The following NYAP2 variants were observed in gnomAD, a reference collection of about 807,000 sequenced individuals.
The protein encoded by NYAP2 is neuronal tyrosine-phosphorylated phosphoinositide-3-kinase adapter 2.
In NYAP2, 23 loss-of-function variants were observed where a neutral mutation model predicts 50.4. The ratio of observed to expected loss-of-function variants is 0.46; its 90% CI spans 0.33 to 0.65. The LOEUF (loss-of-function observed/expected upper bound fraction) is 0.65. Ranked by LOEUF, NYAP2 falls within the 30% of genes least tolerant of loss-of-function variation. The pLI, the probability that NYAP2 is intolerant of heterozygous loss-of-function variation, is 0.02. For missense variants in NYAP2, 885 were observed against 861.0 expected (o/e 1.03, Z -0.35); for synonymous variants, 394 against 365.2 (o/e 1.08, Z -0.90).
At chr2:225,620,516 A>G (rs1481729635) in intron 5 of NYAP2, among the ~76,000 whole-genome samples, 2 of 152,132 alleles carry the variant, frequency 1.3e-5, no homozygotes, top group African/African-American at 4.8e-5. Context: ...CACACATGAA[A>G]AAACAGATTT....
At chr2:225,560,994 A>G (rs1354505747) in intron 4 of NYAP2, among the ~76,000 whole-genome samples, 1 of 149,360 alleles carries the variant, frequency 6.7e-6, no homozygotes, top group Non-Finnish European at 1.5e-5. Context: ...TTTATTAAGC[A>G]ATTAGTCTAT....
chr2:225,536,025 T>A (rs1190512714), intron 4 of NYAP2, among the ~76,000 whole-genome samples: 1 of 152,210 alleles, frequency 6.6e-6, no homozygotes, highest in Non-Finnish European at 1.5e-5. Flanking sequence ...GATTCCAAAC[T>A]GCCAATGAGT....
intron 4 of NYAP2, among the ~76,000 whole-genome samples, chr2:225,555,910 C>A (rs1002336896): frequency 6.6e-6 from 1 of 152,150 alleles, no homozygotes; most frequent in South Asian, 2.1e-4. Context: ...AAGTTGTGCT[C>A]CCCTGCACCC....
chr2:225,685,989 A>C, the NYAP2 span, among the ~76,000 whole-genome samples: 1 of 152,034 alleles, frequency 6.6e-6, no homozygotes, highest in Non-Finnish European at 1.5e-5. Context: ...TTTTTCTGTC[A>C]TTTTATTTTC....
intron 3 of NYAP2, among the ~76,000 whole-genome samples, chr2:225,435,686 G>C (rs1689364657): frequency 6.6e-6 from 1 of 152,146 alleles, no homozygotes; most frequent in Non-Finnish European, 1.5e-5. Flanking sequence ...TCAGTAACCT[G>C]AAGGGATGAA....
chr2:225,611,162 A>G (rs1036695778), intron 5 of NYAP2, among the ~76,000 whole-genome samples: 3 of 152,162 alleles, frequency 2.0e-5, no homozygotes, highest in African/African-American at 7.2e-5. Flanking sequence ...TCTGTTATGG[A>G]AAGTCTGGAA....
chr2:225,464,384 G>A (rs1689882107), intron 3 of NYAP2, among the ~76,000 whole-genome samples: 1 of 152,120 alleles, frequency 6.6e-6, no homozygotes, highest in Non-Finnish European at 1.5e-5. Context: ...CATGAAACCT[G>A]GGGGAAAAAC....
the NYAP2 span, among the ~76,000 whole-genome samples, chr2:225,670,323 TG>T: frequency 4.5e-4 from 68 of 152,238 alleles, no homozygotes; most frequent in Admixed American, 5.9e-4. Context: ...AACCCTGGAA[TG>T]TTGTACGGGG....
At chr2:225,451,784 T>C (rs1689657683) in intron 3 of NYAP2, among the ~76,000 whole-genome samples, 1 of 152,220 alleles carries the variant, frequency 6.6e-6, no homozygotes, top group Admixed American at 6.5e-5. Flanking sequence ...CTAATAAGAA[T>C]GGAAATTTCA....
intron 3 of NYAP2, among the ~76,000 whole-genome samples, chr2:225,460,906 T>G (rs888188193): frequency 1.4e-5 from 2 of 141,724 alleles, no homozygotes; most frequent in Admixed American, 7.7e-5. Context: ...CGCAAGAGAA[T>G]GGTGTGAACC....
the NYAP2 span, among the ~76,000 whole-genome samples, chr2:225,664,718 C>CA: frequency 0.6 from 90,452 of 151,384 alleles, 28,924 homozygotes; most frequent in South Asian, 0.82. Context: ...ACTAAAAATA[C>CA]AAAAAAAATT....
intron 4 of NYAP2, among the ~76,000 whole-genome samples, chr2:225,544,830 A>T (rs965120660): frequency 6.6e-6 from 1 of 151,926 alleles, no homozygotes; most frequent in Non-Finnish European, 1.5e-5. Flanking sequence ...TTTCTTTTTG[A>T]TTGAAGTAGT....
rs147327686 is a variant in NYAP2, at chr2:225,626,415, A to G, written c.1619-502A>G. Among the ~76,000 whole-genome samples the G allele has an allele frequency of 1.1e-3, 173 of 152,326 alleles. 3 individuals carry two copies. The East Asian group carries it at 0.032, about 28-fold the overall frequency. On this transcript the variant is annotated intron_variant, in intron 5 of 6. Coordinates refer to ENST00000636099, the Ensembl canonical transcript of NYAP2. ...AAAGGAAAGGTGTTAGATACAGAAC[A>G]GGACACAGGAGGATGGACCATCAGC...
In NYAP2 at chr2:225,514,626, C is replaced by T. The variant is rs574023438; in HGVS notation, c.523+954C>T. ...AGCACTGCTCTCCTTCCCTTTCTAC[C>T]TCCACATACAATCATTATGGGATTA... On this transcript the variant is annotated intron_variant, in intron 4 of 6. Transcript: ENST00000636099. Among the ~76,000 whole-genome samples the T allele has an allele frequency of 5.3e-5, 8 of 152,252 alleles. No homozygotes were observed. In the South Asian group the frequency reaches 1.7e-3, roughly 32 times the overall value.
At chr2:225,662,919 G>A in the NYAP2 span, among the ~76,000 whole-genome samples, 3 of 152,274 alleles carry the variant, frequency 2.0e-5, no homozygotes, top group African/African-American at 7.2e-5. Context: ...ACTCATATCC[G>A]ACGATCGCAG....
intron 3 of NYAP2, among the ~76,000 whole-genome samples, chr2:225,490,907 C>A (rs917015039): frequency 6.6e-6 from 1 of 152,178 alleles, no homozygotes; most frequent in Admixed American, 6.5e-5. Flanking sequence ...GATTTGCCCA[C>A]CTGCATGGAG....
intron 3 of NYAP2, among the ~76,000 whole-genome samples, chr2:225,415,043 C>T (rs1574602697): frequency 1.3e-5 from 2 of 152,166 alleles, no homozygotes; most frequent in East Asian, 3.9e-4. Context: ...TGGAAGACAG[C>T]TCTCGACTTT....
chr2:225,472,398 C>T (rs1690025958), intron 3 of NYAP2, among the ~76,000 whole-genome samples: 1 of 152,154 alleles, frequency 6.6e-6, no homozygotes, highest in Admixed American at 6.5e-5. Flanking sequence ...GCTCCCATAG[C>T]CCCACTGACC....
chr2:225,571,478 C>T (rs1463578703), intron 4 of NYAP2, among the ~76,000 whole-genome samples: 1 of 152,250 alleles, frequency 6.6e-6, no homozygotes, highest in African/African-American at 2.4e-5. Flanking sequence ...CAACTCTCGA[C>T]TTCTGTGCCC....
Sources: allele counts gnomAD v4.1 joint callset (sites outside exome capture counted in the v4.1 genomes callset), GRCh38; gene constraint gnomAD v4.1.1; transcripts MANE v1.5; gene names NCBI Gene and HGNC (gene_info 2026-07-23, HGNC 2026-07-21).